EEFSEC: variants seen among roughly 807,000 people sequenced by gnomAD.
The protein encoded by EEFSEC is selenocysteine-specific elongation factor.
Under a neutral mutation model 42.1 loss-of-function variants are expected in EEFSEC, and 43 were observed. The observed-to-expected ratio is 1.02, with a 90% CI of 0.80 to 1.32. The LOEUF (loss-of-function observed/expected upper bound fraction) is 1.32, where lower values mean the gene tolerates loss of function less well. EEFSEC is among the 40% of genes most tolerant of loss of function. The pLI, the probability that EEFSEC is intolerant of heterozygous loss-of-function variation, is 0.00. For synonymous variants in EEFSEC, 354 were observed against 339.1 expected (o/e 1.04, Z -0.48); for missense variants, 745 against 803.6 (o/e 0.93, Z 0.88).
At chr3:128,176,812 A>G (rs570814599) in intron 1 of EEFSEC, among the ~76,000 whole-genome samples, 26 of 152,236 alleles carry the variant, frequency 1.7e-4, no homozygotes, top group African/African-American at 6.3e-4. Context: ...GGATTAGAAT[A>G]TATATCTAGT....
chr3:128,297,101 A>G (rs1430909212), intron 4 of EEFSEC, among the ~76,000 whole-genome samples: 1 of 152,026 alleles, frequency 6.6e-6, no homozygotes, highest in Non-Finnish European at 1.5e-5. Context: ...CTCTTGGGAG[A>G]CCATAGGCAC....
Position 128,408,036 on chromosome 3 carries a change from G to A in EEFSEC, c.1601-33G>A, listed in dbSNP as rs201523818. 2.4e-5 allele frequency: 36 copies of A among 1,501,398 alleles called. No individual in the cohort carries two copies. The East Asian group carries it at 7.4e-4, about 31-fold the overall frequency. The allele number at this position is 1,501,398 out of a possible 1,614,324, so 93.0% of individuals were successfully genotyped here. ...GGAGCCCACGGGTGCTTGGGGTACGGCAGAGTGACAGGCTCTCTTCTGTGC... is the reference window on the plus strand; with the variant it reads ...GGAGCCCACGGGTGCTTGGGGTACGACAGAGTGACAGGCTCTCTTCTGTGC... On this transcript the variant is annotated intron_variant, in intron 6 of 6. Transcript: ENST00000254730.
At chr3:128,169,987 T>C (rs1378303397) in intron 1 of EEFSEC, among the ~76,000 whole-genome samples, 3 of 152,152 alleles carry the variant, frequency 2.0e-5, no homozygotes, top group Non-Finnish European at 2.9e-5. Context: ...GCCTTTTCTT[T>C]TTCCTCCAGA....
intron 4 of EEFSEC, among the ~76,000 whole-genome samples, chr3:128,329,537 G>T (rs2067103723): frequency 6.6e-6 from 1 of 152,226 alleles, no homozygotes. Flanking sequence ...GCCAAGGTGG[G>T]CAGGCAGCAT....
chr3:128,191,376 C>T (rs1036422524), intron 1 of EEFSEC, among the ~76,000 whole-genome samples: 4 of 152,072 alleles, frequency 2.6e-5, no homozygotes, highest in East Asian at 1.9e-4. Context: ...CTCACTGCAA[C>T]ATGGGCTCAA....
the EEFSEC span, among the ~76,000 whole-genome samples, chr3:128,418,834 C>A: frequency 2.0e-5 from 3 of 152,290 alleles, no homozygotes; most frequent in East Asian, 5.8e-4. Flanking sequence ...GGGTTGGTCA[C>A]CCCTCAACTT....
chr3:128,327,535 A>G (rs1263055783), intron 4 of EEFSEC, among the ~76,000 whole-genome samples: 2 of 152,180 alleles, frequency 1.3e-5, no homozygotes, highest in African/African-American at 4.8e-5. Flanking sequence ...ATGGCCTGCC[A>G]TGGAGTAGGT....
chr3:128,161,122 G>A (rs140454977), intron 1 of EEFSEC, among the ~76,000 whole-genome samples: 3 of 152,266 alleles, frequency 2.0e-5, no homozygotes, highest in Non-Finnish European at 4.4e-5. Flanking sequence ...CAGCCCATAC[G>A]CTGGCATTCT....
In EEFSEC at chr3:128,168,058, T is replaced by G. The variant is rs1294126238; in HGVS notation, c.316+14235T>G. Reference sequence around the variant, plus strand: ...ATTGTCTAGGGCGTCTGTTTTCACTTTGCTACTGGAGTTCTTTTGAGGAAG... The same window carrying G: ...ATTGTCTAGGGCGTCTGTTTTCACTGTGCTACTGGAGTTCTTTTGAGGAAG... On this transcript the variant is annotated intron_variant, in intron 1 of 6. Transcript: ENST00000254730. Among the ~76,000 whole-genome samples, 3 of 152,220 alleles carry G rather than the reference T, an allele frequency of 2.0e-5. No homozygotes were observed. The East Asian group carries it at 5.8e-4, about 29-fold the overall frequency.
chr3:128,397,277 G>C (rs1054482564), intron 6 of EEFSEC, among the ~76,000 whole-genome samples: 3 of 152,252 alleles, frequency 2.0e-5, no homozygotes, highest in African/African-American at 7.2e-5. Flanking sequence ...CCTGTAGCCA[G>C]ACTCTCAGGC....
intron 1 of EEFSEC, among the ~76,000 whole-genome samples, chr3:128,194,001 C>A (rs2065554681): frequency 1.2e-5 from 1 of 83,126 alleles, no homozygotes; most frequent in Admixed American, 1.0e-4. Context: ...ACCATCTTCC[C>A]CCATCCCCCA....
chr3:128,302,837 GT>G (rs1340356640), intron 4 of EEFSEC, among the ~76,000 whole-genome samples: 1 of 152,086 alleles, frequency 6.6e-6, no homozygotes, highest in Non-Finnish European at 1.5e-5. Flanking sequence ...AGAAATGGTT[GT>G]TTTATTATTG....
chr3:128,313,015 T>G (rs901727791), intron 4 of EEFSEC, among the ~76,000 whole-genome samples: 2 of 152,168 alleles, frequency 1.3e-5, no homozygotes, highest in Non-Finnish European at 2.9e-5. Flanking sequence ...CTTGGTCAAG[T>G]CAAGTAGCCT....
At position 128,345,975 on chromosome 3, in the gene EEFSEC, T is replaced by C. The variant is rs190130324; in HGVS notation, c.1443+4086T>C. 4.2e-3 allele frequency among the ~76,000 whole-genome samples: 626 copies of C among 147,804 alleles called. 9 individuals are homozygous for C. The highest frequency in any genetic ancestry group is 0.015 in the African/African-American group (596 of 38,968). ...GAACAGTAAATTAGACATTTTCAGG[T>C]TATAATAAGGTCTAGAAAGAAAATA... On this transcript the variant is annotated intron_variant, in intron 5 of 6. Coordinates refer to ENST00000254730, the MANE Select transcript of EEFSEC (RefSeq NM_021937.5).
intron 6 of EEFSEC, among the ~76,000 whole-genome samples, chr3:128,405,162 G>T (rs2068094760): frequency 6.6e-6 from 1 of 152,014 alleles, no homozygotes; most frequent in Admixed American, 6.6e-5. Context: ...GACTATAGGT[G>T]CCCGCCACCA....
intron 2 of EEFSEC, among the ~76,000 whole-genome samples, chr3:128,251,433 G>A (rs1332921698): frequency 6.6e-6 from 1 of 152,180 alleles, no homozygotes; most frequent in African/African-American, 2.4e-5. Context: ...TTTTACACAG[G>A]TGTCAGCAGA....
chr3:128,264,834 G>A (rs1245056763), intron 4 of EEFSEC, 53 bp downstream of exon 4: 2 of 1,572,550 alleles, frequency 1.3e-6, no homozygotes, highest in African/African-American at 2.7e-5. Context: ...GCAAGGGAGG[G>A]GGACTGTCCC....
chr3:128,334,868 C>T lies in EEFSEC; in HGVS notation c.787-6365C>T, dbSNP rs565207020. 6.6e-5 allele frequency among the ~76,000 whole-genome samples: 10 copies of T among 152,352 alleles called. No homozygotes were observed. In the East Asian group the frequency reaches 1.2e-3, roughly 18 times the overall value. On this transcript the variant is annotated intron_variant, in intron 4 of 6. Transcript: ENST00000254730. ...CAGAGGCCACCATGGTGGTATAGGG[C>T]AGCAGCACCTCTCCCCATTCCACCT...
chr3:128,355,158 G>A (rs2067436679), intron 5 of EEFSEC, among the ~76,000 whole-genome samples: 1 of 152,206 alleles, frequency 6.6e-6, no homozygotes, highest in African/African-American at 2.4e-5. Flanking sequence ...CCTGTAGTGG[G>A]TCAGGGCCAC....
Sources: gnomAD v4.1 joint callset for allele counts (sites outside exome capture counted in the v4.1 genomes callset) on GRCh38, gnomAD v4.1.1 for gene constraint, MANE v1.5 for transcripts, NCBI Gene and HGNC (gene_info 2026-07-23, HGNC 2026-07-21) for gene names.